Variants in PLCL1 observed in about 807,000 individuals in gnomAD.
PLCL1 encodes phospholipase C like 1 (inactive), also known as inactive phospholipase C-like protein 1.
PLCL1 carries 41 observed loss-of-function variants against 84.4 expected under a neutral mutation model. The ratio of observed to expected loss-of-function variants is 0.49; its 90% CI spans 0.38 to 0.63. The LOEUF is 0.63. Among genes scored for constraint, PLCL1 ranks in the 30% least tolerant of loss-of-function variants. The probability of loss-of-function intolerance (pLI) is 0.00; values close to 1 mark genes in which losing one functional copy is unlikely to be tolerated. For synonymous variants in PLCL1, 490 were observed against 488.3 expected (o/e 1.00, Z -0.05); for missense variants, 1,206 against 1,367.8 (o/e 0.88, Z 1.87).
rs1343135821 is a variant in PLCL1, at chr2:198,148,953, C to A, written c.*1991C>A. The A allele has an allele frequency of 6.6e-6, 1 of 152,256 alleles. No individual in the cohort carries two copies. The highest frequency in any genetic ancestry group is 1.5e-5 in the Non-Finnish European group (1 of 68,032). 9.4% of individuals were successfully genotyped at this position (152,256 alleles called of 1,614,324 possible). A position where few individuals can be genotyped will look rare whatever the true frequency, so the allele number is the denominator to read the frequency against. ...CCAGAGCTCTACTCACACTTAGGAC[C>A]CACCCAAAAATTCTCAAAAACGTAA... On this transcript the variant is annotated 3_prime_UTR_variant, in exon 6 of 6. Coordinates refer to ENST00000428675, the MANE Select transcript of PLCL1 (RefSeq NM_006226.4).
Position 197,838,348 on chromosome 2 carries a change from C to T in PLCL1, c.240+33009C>T, listed in dbSNP as rs180980883. On this transcript the variant is annotated intron_variant, in intron 1 of 5. Transcript: ENST00000428675. ...GCTTCTCCAAAGAAAAACACTTAACCAACTAATGAATCATAAGAGTTCTAA... is the reference window on the plus strand; with the variant it reads ...GCTTCTCCAAAGAAAAACACTTAACTAACTAATGAATCATAAGAGTTCTAA... Among the ~76,000 whole-genome samples the T allele has an allele frequency of 3.9e-5, 6 of 152,302 alleles. No individual in the cohort carries two copies. The East Asian group carries it at 1.2e-3, about 29-fold the overall frequency.
At chr2:198,079,117 G>T (rs1692649439) in intron 1 of PLCL1, among the ~76,000 whole-genome samples, 1 of 151,700 alleles carries the variant, frequency 6.6e-6, no homozygotes, top group African/African-American at 2.4e-5. Flanking sequence ...GAAGAAAAAT[G>T]ATTTTTTTTT....
rs568700455 is a variant in PLCL1 at position 198,008,154 on chromosome 2, A to G, written c.241-75604A>G. ...GAACTCTTCCAATTTTTTTCATACTATATTGCATGTGCTTAAGTAATTCTT... is the reference window on the plus strand; with the variant it reads ...GAACTCTTCCAATTTTTTTCATACTGTATTGCATGTGCTTAAGTAATTCTT... On this transcript the variant is annotated intron_variant, in intron 1 of 5. Transcript: ENST00000428675. Among the ~76,000 whole-genome samples, 4 of 152,234 alleles carry G rather than the reference A, an allele frequency of 2.6e-5. No individual in the cohort carries two copies. The East Asian group carries it at 5.8e-4, about 22-fold the overall frequency.
intron 5 of PLCL1, among the ~76,000 whole-genome samples, chr2:198,118,971 A>T (rs1693807144): frequency 6.6e-6 from 1 of 152,070 alleles, no homozygotes; most frequent in Non-Finnish European, 1.5e-5. Context: ...AAGGATTCAT[A>T]TACAGTAGTG....
chr2:197,888,102 G>GA (rs1228021479), intron 1 of PLCL1, among the ~76,000 whole-genome samples: 1 of 151,732 alleles, frequency 6.6e-6, no homozygotes, highest in Non-Finnish European at 1.5e-5. Context: ...AAAAAAAAAG[G>GA]AAAAAATCTT....
chr2:198,097,668 T>A (rs890356226), intron 3 of PLCL1, among the ~76,000 whole-genome samples: 2 of 152,206 alleles, frequency 1.3e-5, no homozygotes, highest in Non-Finnish European at 2.9e-5. Context: ...AAGGGCCCCC[T>A]GAAGTAGATT....
intron 1 of PLCL1, among the ~76,000 whole-genome samples, chr2:197,873,749 A>G (rs980995071): frequency 3.3e-5 from 5 of 152,268 alleles, no homozygotes; most frequent in African/African-American, 1.2e-4. Flanking sequence ...CCTTCCTCCA[A>G]TAGGAAAATC....
intron 1 of PLCL1, among the ~76,000 whole-genome samples, chr2:197,940,569 CCAGAATGCAGTGCTGTGA>C (rs1262366811): frequency 6.6e-6 from 1 of 152,144 alleles, no homozygotes; most frequent in Non-Finnish European, 1.5e-5. Flanking sequence ...TGGCTGCTTC[CCAGAATGCAGTGCTGTGA>C]CAGAGATTAT....
chr2:197,844,919 G>A (rs1687091465), intron 1 of PLCL1, among the ~76,000 whole-genome samples: 1 of 152,084 alleles, frequency 6.6e-6, no homozygotes, highest in South Asian at 2.1e-4. Context: ...TCAGAAGAAG[G>A]AAGATGAGAG....
chr2:198,134,517 A>G (rs1027695406), intron 5 of PLCL1, among the ~76,000 whole-genome samples: 3 of 152,172 alleles, frequency 2.0e-5, no homozygotes, highest in Admixed American at 2.0e-4. Context: ...CACTTCAGCT[A>G]ACACAGAACC....
intron 1 of PLCL1, among the ~76,000 whole-genome samples, chr2:197,822,968 G>T (rs757552661): frequency 2.0e-5 from 3 of 152,138 alleles, no homozygotes; most frequent in Non-Finnish European, 2.9e-5. Flanking sequence ...ATGGCAGCTG[G>T]ATTCAATTTA....
At chr2:198,136,274 G>C (rs1452317176) in intron 5 of PLCL1, among the ~76,000 whole-genome samples, 2 of 152,022 alleles carry the variant, frequency 1.3e-5, no homozygotes, top group Admixed American at 6.6e-5. Context: ...AGAATTTAGA[G>C]GTATTATCTC....
intron 1 of PLCL1, among the ~76,000 whole-genome samples, chr2:197,951,295 T>C (rs1489959186): frequency 3.9e-5 from 6 of 152,186 alleles, no homozygotes; most frequent in Non-Finnish European, 8.8e-5. Flanking sequence ...CAGCACTCTC[T>C]TCCCTTTGGG....
chr2:197,809,968 A>T (rs1289587324), intron 1 of PLCL1, among the ~76,000 whole-genome samples: 1 of 152,286 alleles, frequency 6.6e-6, no homozygotes, highest in Non-Finnish European at 1.5e-5. Flanking sequence ...TATAGATTTT[A>T]TTCTCTACAA....
At chr2:197,918,971 T>TCTCTCTCTCTCTCACACA (rs373512508) in intron 1 of PLCL1, among the ~76,000 whole-genome samples, 6 of 144,548 alleles carry the variant, frequency 4.2e-5, no homozygotes, top group Admixed American at 7.0e-5. Context: ...TCTCTCTCCC[T>TCTCTCTCTCTCTCACACA]CACACACACA....
intron 1 of PLCL1, among the ~76,000 whole-genome samples, chr2:197,879,844 A>G (rs555168695): frequency 7.8e-4 from 118 of 152,150 alleles, no homozygotes; most frequent in Non-Finnish European, 1.5e-3. Context: ...TAATCCCACT[A>G]AATTCTGCAG....
intron 2 of PLCL1, 129 bp from the exon 3 acceptor site, chr2:198,088,728 GA>G (rs1692945631): frequency 2.8e-6 from 2 of 725,270 alleles, no homozygotes; most frequent in African/African-American, 3.5e-5. Context: ...AATTGAGCAA[GA>G]TGAAGTATAG....
At chr2:197,882,378 A>G (rs573673901) in intron 1 of PLCL1, among the ~76,000 whole-genome samples, 2 of 152,310 alleles carry the variant, frequency 1.3e-5, no homozygotes, top group East Asian at 1.9e-4. Context: ...AACTGTGTTC[A>G]TCTAATTTAA....
At chr2:197,984,576 T>G (rs76669824) in intron 1 of PLCL1, among the ~76,000 whole-genome samples, 4,588 of 152,292 alleles carry the variant, frequency 0.03, 243 homozygotes, top group African/African-American at 0.1. Flanking sequence ...CAATAATGGG[T>G]TTCTTTCCTT....
Sources: gnomAD v4.1 joint callset for allele counts (sites outside exome capture counted in the v4.1 genomes callset) on GRCh38, gnomAD v4.1.1 for gene constraint, MANE v1.5 for transcripts, NCBI Gene and HGNC (gene_info 2026-07-23, HGNC 2026-07-21) for gene names.